DPP10: variants seen among roughly 807,000 people sequenced by gnomAD.
DPP10 encodes the protein dipeptidyl peptidase like 10.
In DPP10, 33 loss-of-function variants were observed where a neutral mutation model predicts 120.9. The observed-to-expected ratio is 0.27, with a 90% CI of 0.21 to 0.37. DPP10 has a LOEUF of 0.37. Among genes scored for constraint, DPP10 ranks in the 10% least tolerant of loss-of-function variants. The probability of loss-of-function intolerance (pLI) is 1.00; values close to 1 mark genes in which losing one functional copy is unlikely to be tolerated. For missense variants in DPP10, 816 were observed against 942.8 expected, an observed-to-expected ratio of 0.87 and a Z score of 1.76; for synonymous variants, 337 against 326.1, an observed-to-expected ratio of 1.03 and a Z score of -0.36.
At chr2:115,526,120 A>G in intron 5 of DPP10, 148 bp downstream of exon 5, 2 of 551,648 alleles carry the variant, frequency 3.6e-6, no homozygotes, top group South Asian at 2.7e-5. Context: ...TGCACAAAAG[A>G]TGTTTGAAGA....
At chr2:114,669,198 T>C (rs546049709) in intron 1 of DPP10, among the ~76,000 whole-genome samples, 115 of 152,278 alleles carry the variant, frequency 7.6e-4, no homozygotes, top group African/African-American at 2.6e-3. Flanking sequence ...AGCCTATACA[T>C]TTTAGTGTAA....
chr2:115,779,036 T>G (rs1242703837), intron 15 of DPP10, among the ~76,000 whole-genome samples: 2 of 152,080 alleles, frequency 1.3e-5, no homozygotes, highest in African/African-American at 4.8e-5. Context: ...CTTAGAGAGA[T>G]AGAAACACTT....
chr2:115,706,960 A>G lies in DPP10; in HGVS notation c.576+17039A>G, dbSNP rs183248003. ...GAGCTCTCCGCTTGCTCTCCTCCTT[A>G]AGAACAACCAAAGAAATGAAAATAA... On this transcript the variant is annotated intron_variant, in intron 7 of 25. Coordinates refer to ENST00000410059, the MANE Select transcript of DPP10 (RefSeq NM_020868.6). Among the ~76,000 whole-genome samples, 28 of 152,110 alleles carry G rather than the reference A, an allele frequency of 1.8e-4. 2 individuals carry two copies. The highest frequency in any genetic ancestry group is 6.5e-4 in the African/African-American group (27 of 41,552).
chr2:114,753,383 C>T (rs536730260), intron 1 of DPP10, among the ~76,000 whole-genome samples: 3 of 152,200 alleles, frequency 2.0e-5, no homozygotes, highest in South Asian at 2.1e-4. Flanking sequence ...TTATTTAGCC[C>T]GTATGAGCCT....
chr2:115,387,309 A>G (rs1477903722), intron 3 of DPP10, among the ~76,000 whole-genome samples: 1 of 152,178 alleles, frequency 6.6e-6, no homozygotes, highest in South Asian at 2.1e-4. Context: ...TTCAAACAAC[A>G]TGTTAACATC....
intron 4 of DPP10, among the ~76,000 whole-genome samples, chr2:115,520,988 G>T (rs2077769944): frequency 6.6e-6 from 1 of 152,160 alleles, no homozygotes; most frequent in South Asian, 2.1e-4. Flanking sequence ...ATGGTTAGAT[G>T]AACTGCACGT....
At chr2:115,494,191 C>T (rs1337410999) in intron 3 of DPP10, among the ~76,000 whole-genome samples, 1 of 152,140 alleles carries the variant, frequency 6.6e-6, no homozygotes, top group African/African-American at 2.4e-5. Context: ...GGTCCACCCA[C>T]CTCGACCTCC....
intron 1 of DPP10, among the ~76,000 whole-genome samples, chr2:115,004,066 C>A (rs188398406): frequency 6.6e-6 from 1 of 152,098 alleles, no homozygotes; most frequent in African/African-American, 2.4e-5. Flanking sequence ...CACTTCGTAT[C>A]GAAGGTATAA....
intron 1 of DPP10, among the ~76,000 whole-genome samples, chr2:114,559,782 C>T (rs552515865): frequency 5.3e-5 from 8 of 150,284 alleles, no homozygotes; most frequent in South Asian, 2.1e-4. Flanking sequence ...AGGTCATGAA[C>T]GTGATAGGGC....
intron 1 of DPP10, among the ~76,000 whole-genome samples, chr2:115,162,766 C>T (rs939185317): frequency 3.2e-4 from 49 of 152,250 alleles, no homozygotes; most frequent in Admixed American, 2.4e-3. Flanking sequence ...CCCGCCAACC[C>T]CTTTTTGTTT....
At chr2:115,711,963 C>G (rs12989976) in intron 7 of DPP10, among the ~76,000 whole-genome samples, 132,223 of 137,022 alleles carry the variant, frequency 0.96, 63,999 homozygotes, top group Middle Eastern at 1. Context: ...ATGCATTTAG[C>G]ACAGCAGTTC....
At chr2:115,502,041 G>A (rs950571319) in intron 4 of DPP10, among the ~76,000 whole-genome samples, 1 of 151,986 alleles carries the variant, frequency 6.6e-6, no homozygotes. Context: ...TGTCATAACA[G>A]AATGGCCTGT....
chr2:114,451,450 GGTTT>G (rs1350868385), intron 1 of DPP10, among the ~76,000 whole-genome samples: 1 of 152,024 alleles, frequency 6.6e-6, no homozygotes. Flanking sequence ...TAAATACTTA[GGTTT>G]GTCGTTGGTG....
intron 3 of DPP10, among the ~76,000 whole-genome samples, chr2:115,464,793 A>G (rs1400631407): frequency 6.6e-6 from 1 of 152,086 alleles, no homozygotes; most frequent in African/African-American, 2.4e-5. Flanking sequence ...TCCTTGCCAC[A>G]TGAGTAGGAG....
intron 1 of DPP10, chr2:115,161,997 C>T: frequency 3.6e-6 from 5 of 1,383,242 alleles, no homozygotes; most frequent in Middle Eastern, 2.6e-4. Flanking sequence ...ACCCCGGGGG[C>T]CAGGGCGAGC....
At chr2:115,166,352 CAT>C (rs1411916646) in intron 1 of DPP10, among the ~76,000 whole-genome samples, 2 of 150,798 alleles carry the variant, frequency 1.3e-5, no homozygotes, top group African/African-American at 2.4e-5. Flanking sequence ...TATAAAATGT[CAT>C]ATTTAATTGG....
Position 115,587,580 on chromosome 2 carries a change from T to C in DPP10, c.441+61608T>C, listed in dbSNP as rs748153408. On this transcript the variant is annotated intron_variant, in intron 5 of 25. Transcript: ENST00000410059. ...AAGATACACTTCGTGCACCCCCATG[T>C]TCTTTGCAATCTCATATTTATTGCA... 6.0e-4 allele frequency among the ~76,000 whole-genome samples: 91 copies of C among 152,242 alleles called. 1 individual carries two copies. The highest frequency in any genetic ancestry group is 2.4e-4 in the Non-Finnish European group (16 of 68,034).
intron 7 of DPP10, among the ~76,000 whole-genome samples, chr2:115,717,504 T>A (rs2092533922): frequency 6.6e-6 from 1 of 152,222 alleles, no homozygotes; most frequent in South Asian, 2.1e-4. Context: ...ACTTAATGTC[T>A]TTGTCCTCAG....
At chr2:115,531,803 C>T (rs187568226) in intron 5 of DPP10, among the ~76,000 whole-genome samples, 59 of 152,226 alleles carry the variant, frequency 3.9e-4, no homozygotes, top group Admixed American at 6.6e-4. Context: ...TCTGTTACTA[C>T]GAGCCACAAG....
Sources: allele counts gnomAD v4.1 joint callset (sites outside exome capture counted in the v4.1 genomes callset), GRCh38; gene constraint gnomAD v4.1.1; transcripts MANE v1.5; gene names NCBI Gene and HGNC (gene_info 2026-07-23, HGNC 2026-07-21).